WASF2: variants seen among roughly 807,000 people sequenced by gnomAD.
The protein encoded by WASF2 is actin-binding protein WASF2.
In WASF2, 14 loss-of-function variants were observed where a neutral mutation model predicts 45.0. The observed-to-expected ratio is 0.31, with a 90% CI of 0.21 to 0.49. The LOEUF is 0.49. WASF2 is among the 20% of genes least tolerant of loss of function. The probability of loss-of-function intolerance (pLI) is 0.99; values close to 1 mark genes in which losing one functional copy is unlikely to be tolerated. For missense variants in WASF2, 439 were observed against 636.1 expected, an observed-to-expected ratio of 0.69 and a Z score of 3.33; for synonymous variants, 200 against 236.3, an observed-to-expected ratio of 0.85 and a Z score of 1.41.
intron 1 of WASF2, among the ~76,000 whole-genome samples, chr1:27,438,253 C>A (rs2017163477): frequency 6.6e-6 from 1 of 152,204 alleles, no homozygotes; most frequent in African/African-American, 2.4e-5. Context: ...TAGACTGCAA[C>A]CTTTCTTTCT....
intron 1 of WASF2, among the ~76,000 whole-genome samples, chr1:27,472,577 T>A (rs181904191): frequency 2.1e-5 from 3 of 140,182 alleles, no homozygotes; most frequent in African/African-American, 8.2e-5. Flanking sequence ...GAGGTTGCAG[T>A]GAGCTGAGAT....
intron 2 of WASF2, among the ~76,000 whole-genome samples, chr1:27,422,618 C>CAAAAAAAA (rs782035111): frequency 1.6e-5 from 2 of 128,822 alleles, no homozygotes; most frequent in Non-Finnish European, 1.6e-5. Flanking sequence ...GACTCCGTCT[C>CAAAAAAAA]AAAAAAAAAA....
intron 1 of WASF2, among the ~76,000 whole-genome samples, chr1:27,451,113 T>A (rs1179678968): frequency 6.6e-6 from 1 of 152,134 alleles, no homozygotes; most frequent in African/African-American, 2.4e-5. Context: ...TATTTGTTCA[T>A]TCAGTGAAAC....
intron 1 of WASF2, among the ~76,000 whole-genome samples, chr1:27,481,504 G>T (rs1310043298): frequency 6.6e-6 from 1 of 151,946 alleles, no homozygotes; most frequent in African/African-American, 2.4e-5. Flanking sequence ...TTTGAGACCA[G>T]CCTGGCCAAC....
At chr1:27,453,129 C>T (rs1030424013) in intron 1 of WASF2, among the ~76,000 whole-genome samples, 3 of 151,812 alleles carry the variant, frequency 2.0e-5, no homozygotes, top group African/African-American at 7.3e-5. Flanking sequence ...ATTGCTTGAA[C>T]CCACGAGGCA....
intron 1 of WASF2, among the ~76,000 whole-genome samples, chr1:27,472,674 AGGGG>A (rs1557620384): frequency 8.5e-6 from 1 of 116,984 alleles, no homozygotes; most frequent in African/African-American, 4.4e-5. Flanking sequence ...AAAAAAAAAA[AGGGG>A]AAATCAGGCC....
At chr1:27,474,631 A>G (rs1048399923) in intron 1 of WASF2, among the ~76,000 whole-genome samples, 2 of 151,956 alleles carry the variant, frequency 1.3e-5, no homozygotes, top group Admixed American at 6.6e-5. Context: ...TTAGCTGCGC[A>G]TGGTGGCATG....
rs569200715 is a variant in WASF2 at position 27,422,361 on chromosome 1, T to C, written c.131-3273A>G. ...TGGGCTGGGCGCAGTGGCTCATGCCTGTAATCCCAGCACTTTGGGAGGCTG... is the reference window on the plus strand; with the variant it reads ...TGGGCTGGGCGCAGTGGCTCATGCCCGTAATCCCAGCACTTTGGGAGGCTG... On this transcript the variant is annotated intron_variant, in intron 2 of 8. Coordinates refer to ENST00000618852, the MANE Select transcript of WASF2 (RefSeq NM_006990.5). Among the ~76,000 whole-genome samples the C allele has an allele frequency of 2.6e-4, 39 of 152,246 alleles. No individual in the cohort carries two copies. The South Asian group carries it at 6.4e-3, about 25-fold the overall frequency.
chr1:27,408,635 T>A (rs1217580375), intron 8 of WASF2, among the ~76,000 whole-genome samples: 3 of 152,174 alleles, frequency 2.0e-5, no homozygotes. Context: ...ACATTCCATC[T>A]AGCAGACCCT....
intron 1 of WASF2, among the ~76,000 whole-genome samples, chr1:27,477,385 C>T (rs1207430637): frequency 6.6e-6 from 1 of 151,834 alleles, no homozygotes; most frequent in African/African-American, 2.4e-5. Flanking sequence ...ACTAAAAATA[C>T]AAAAATTAGC....
In WASF2 at chr1:27,409,838, G is replaced by A; in HGVS notation, c.1193C>T (p.Pro398Leu). The change falls in exon 8 of 9, where the codon CCT (proline) becomes CTT (leucine). Residue 398 changes from proline (P) to leucine (L), a missense_variant. This residue lies in a region of WASF2 where 286 missense variants were observed against 373.5 expected (regional missense o/e 0.77). Coordinates refer to ENST00000618852, the MANE Select transcript of WASF2 (RefSeq NM_006990.5). ...AGGGGGAGGAGGGGGCCCCGGAGGA[G>A]GAGGAGGAGGGGGAGGAGGAGGTGC... ...GGAPPPPPPP[P>L]PPGPPPPPFT... The A allele has an allele frequency of 6.5e-7, 1 of 1,549,206 alleles. No homozygotes were observed. Among genetic ancestry groups the A allele is most frequent in the South Asian group, 1.2e-5 (1 of 80,276 alleles).
chr1:27,417,768 G>A (rs181489773), intron 4 of WASF2, among the ~76,000 whole-genome samples: 6 of 152,302 alleles, frequency 3.9e-5, no homozygotes, highest in Admixed American at 1.3e-4. Flanking sequence ...GGAAGAATGC[G>A]AATTACTCCT....
intron 2 of WASF2, among the ~76,000 whole-genome samples, chr1:27,428,250 AAGTC>A (rs934277057): frequency 1.6e-4 from 24 of 152,210 alleles, no homozygotes; most frequent in Admixed American, 9.2e-4. Flanking sequence ...CAGGGTGGAC[AAGTC>A]AGTCAGAATC....
intron 1 of WASF2, among the ~76,000 whole-genome samples, chr1:27,470,236 C>G (rs2017671087): frequency 1.3e-5 from 2 of 152,222 alleles, no homozygotes; most frequent in Admixed American, 1.3e-4. Context: ...TCTTAAATAT[C>G]AGGCTGAGTT....
chr1:27,409,940 G>C lies in WASF2; in HGVS notation c.1091C>G (p.Pro364Arg). Reference protein sequence around the residue: ...SFPPHPDFAAPPPPPPPPAAD... With the variant: ...SFPPHPDFAARPPPPPPPAAD... Reference sequence around the variant, plus strand: ...TGCTGGTGGTGGAGGAGGAGGTGGAGGGGCAGCAAAATCAGGGTGAGGTGG... The same window carrying C: ...TGCTGGTGGTGGAGGAGGAGGTGGACGGGCAGCAAAATCAGGGTGAGGTGG... The change falls in exon 8 of 9, where the codon CCT (proline) becomes CGT (arginine). Residue 364 changes from proline to arginine, a missense_variant. Physicochemically the swap from Pro to Arg is moderately radical, Grantham distance 103. Coordinates refer to ENST00000618852, the MANE Select transcript of WASF2 (RefSeq NM_006990.5). 2.5e-6 allele frequency: 4 copies of C among 1,607,106 alleles called. No individual in the cohort carries two copies. Among genetic ancestry groups the C allele is most frequent in the Non-Finnish European group, 3.4e-6 (4 of 1,176,352 alleles).
At chr1:27,454,147 GTGTGTGTATATATATATATATA>G (rs1419464200) in intron 1 of WASF2, among the ~76,000 whole-genome samples, 2 of 19,608 alleles carry the variant, frequency 1.0e-4, no homozygotes, top group African/African-American at 1.7e-4. Flanking sequence ...GTGTGTGTGT[GTGTGTGTATATATATATATATA>G]TATATATATA....
rs796167070 is a variant in WASF2 at position 27,423,197 on chromosome 1, A to AT, written c.131-4110dup. On this transcript the variant is annotated intron_variant, in intron 2 of 8. Transcript: ENST00000618852. ...AATACCCTAAGTTTTTGATTTTCAAATTTTTTTTTTTTATTTTTTAGACAG... is the reference window on the plus strand; with the variant it reads ...AATACCCTAAGTTTTTGATTTTCAAATTTTTTTTTTTTTATTTTTTAGACAG... Among the ~76,000 whole-genome samples the AT allele has an allele frequency of 2.9e-3, 421 of 147,034 alleles. 3 individuals are homozygous for AT. Among genetic ancestry groups the AT allele is most frequent in the Middle Eastern group, 7.1e-3 (2 of 282 alleles).
chr1:27,456,316 TAAAAAA>T (rs61319408), intron 1 of WASF2, among the ~76,000 whole-genome samples: 2 of 95,340 alleles, frequency 2.1e-5, no homozygotes, highest in Non-Finnish European at 2.1e-5. Flanking sequence ...AGCGAGACTC[TAAAAAA>T]AAAAAAAAAA....
chr1:27,448,104 T>A (rs1208082769), intron 1 of WASF2, among the ~76,000 whole-genome samples: 1 of 152,226 alleles, frequency 6.6e-6, no homozygotes, highest in African/African-American at 2.4e-5. Flanking sequence ...TCTGACCTCT[T>A]GGCAGCAAAT....
Sources: gnomAD v4.1 joint callset for allele counts (sites outside exome capture counted in the v4.1 genomes callset) on GRCh38, gnomAD v4.1.1 for gene constraint, gnomAD v4.1.1 regional missense constraint, MANE v1.5 for transcripts, NCBI Gene and HGNC (gene_info 2026-07-23, HGNC 2026-07-21) for gene names.